BLK: variants seen among roughly 807,000 people sequenced by gnomAD.
BLK encodes tyrosine-protein kinase Blk.
BLK carries 64 observed loss-of-function variants against 61.8 expected under a neutral mutation model. The ratio of observed to expected loss-of-function variants is 1.03; its 90% CI spans 0.85 to 1.27. The LOEUF is 1.27. Among genes scored for constraint, BLK ranks in the 50% most tolerant of loss-of-function variants. The pLI is 0.00. For missense variants in BLK, 853 were observed against 660.5 expected (o/e 1.29, Z -3.19); for synonymous variants, 351 against 272.0 (o/e 1.29, Z -2.86).
chr8:11,508,651 TC>T (rs1481493138), intron 1 of BLK, among the ~76,000 whole-genome samples: 1 of 152,214 alleles, frequency 6.6e-6, no homozygotes, highest in Non-Finnish European at 1.5e-5. Flanking sequence ...ATTGGAACTG[TC>T]ACTAGTCAAT....
rs1801613735 is a variant in BLK, at chr8:11,564,037, T to G, written c.1447T>G (p.Phe483Val). 8 of 1,603,838 alleles carry G rather than the reference T, an allele frequency of 5.0e-6. No homozygotes were observed. The highest frequency in any genetic ancestry group is 6.8e-6 in the Non-Finnish European group (8 of 1,178,608). ...WRSRPEERPT[F>V]EFLQSVLEDF... ...CAGCCGGCCCGAGGAGCGGCCCACC[T>G]TCGAGTTCCTGCAGTCGGTGCTGGA... The change falls in exon 13 of 13, where the codon TTC (phenylalanine) becomes GTC (valine). Residue 483 changes from phenylalanine to valine, a missense_variant. By Grantham distance (50) the Phe-to-Val change is conservative. Transcript: ENST00000259089.
At chr8:11,548,396 T>C (rs1800743253) in intron 4 of BLK, among the ~76,000 whole-genome samples, 1 of 152,244 alleles carries the variant, frequency 6.6e-6, no homozygotes, top group Admixed American at 6.5e-5. Context: ...CCTGACTCTT[T>C]TGGGCATGTG....
chr8:11,535,551 C>T (rs908705313), intron 1 of BLK, among the ~76,000 whole-genome samples: 2 of 152,242 alleles, frequency 1.3e-5, no homozygotes, highest in African/African-American at 4.8e-5. Flanking sequence ...CCCAGTTTCT[C>T]ATCCTTTGCT....
At chr8:11,540,056 C>G (rs187393186) in intron 1 of BLK, among the ~76,000 whole-genome samples, 8 of 152,006 alleles carry the variant, frequency 5.3e-5, no homozygotes, top group African/African-American at 7.2e-5. Flanking sequence ...TGAATTTGTA[C>G]TTTTTTTGTT....
intron 1 of BLK, among the ~76,000 whole-genome samples, chr8:11,503,647 C>A (rs145859940): frequency 6.6e-6 from 1 of 152,162 alleles, no homozygotes; most frequent in Non-Finnish European, 1.5e-5. Context: ...CAAGGGTGCT[C>A]TTTCTTGGCA....
At chr8:11,496,550 C>G (rs938217039) in intron 1 of BLK, among the ~76,000 whole-genome samples, 2 of 152,216 alleles carry the variant, frequency 1.3e-5, no homozygotes, top group African/African-American at 4.8e-5. Context: ...GCCCAGCATG[C>G]ATTTTTGAGC....
intron 1 of BLK, among the ~76,000 whole-genome samples, chr8:11,533,188 T>G (rs987973450): frequency 2.6e-5 from 4 of 152,212 alleles, no homozygotes; most frequent in Non-Finnish European, 5.9e-5. Flanking sequence ...TGTCTCTAGA[T>G]CCACTCAGTA....
intron 1 of BLK, among the ~76,000 whole-genome samples, chr8:11,526,385 T>G (rs1799652067): frequency 6.6e-6 from 1 of 152,336 alleles, no homozygotes; most frequent in African/African-American, 2.4e-5. Context: ...ACATCCTACT[T>G]TTTTGTTATA....
At chr8:11,550,502 C>A (rs1018609213) in intron 6 of BLK, among the ~76,000 whole-genome samples, 4 of 152,258 alleles carry the variant, frequency 2.6e-5, no homozygotes, top group African/African-American at 9.6e-5. Context: ...CAGGGGTGGT[C>A]CCACGCCAGA....
At chr8:11,547,398 T>C (rs1287283280) in intron 3 of BLK, among the ~76,000 whole-genome samples, 1 of 152,190 alleles carries the variant, frequency 6.6e-6, no homozygotes, top group Non-Finnish European at 1.5e-5. Context: ...CCCAGAGCTG[T>C]GCAGAGAGCC....
chr8:11,509,776 T>G (rs1053884538), intron 1 of BLK: 1 of 152,166 alleles, frequency 6.6e-6, no homozygotes, highest in East Asian at 1.9e-4. Context: ...CCCTAGAAAA[T>G]TTTGAAAATA....
At chr8:11,527,878 C>G (rs1245130390) in intron 1 of BLK, among the ~76,000 whole-genome samples, 2 of 152,056 alleles carry the variant, frequency 1.3e-5, no homozygotes, top group Non-Finnish European at 2.9e-5. Flanking sequence ...CCTCTGGCCA[C>G]ATGACTCCTG....
At chr8:11,528,028 G>C (rs1799736045) in intron 1 of BLK, among the ~76,000 whole-genome samples, 1 of 152,016 alleles carries the variant, frequency 6.6e-6, no homozygotes, top group African/African-American at 2.4e-5. Flanking sequence ...TTTGGGGAGG[G>C]ACTATTATCA....
chr8:11,497,581 C>T (rs1275869109), intron 1 of BLK, among the ~76,000 whole-genome samples: 2 of 152,192 alleles, frequency 1.3e-5, no homozygotes, highest in African/African-American at 4.8e-5. Flanking sequence ...TCCCAGCACC[C>T]AGCGCAGTGC....
intron 1 of BLK, among the ~76,000 whole-genome samples, chr8:11,540,199 T>C (rs1008424168): frequency 1.3e-5 from 2 of 152,184 alleles, no homozygotes; most frequent in African/African-American, 2.4e-5. Context: ...CTAGAATTTA[T>C]TTTTTAATAT....
At chr8:11,516,480 A>G (rs60798606) in intron 1 of BLK, among the ~76,000 whole-genome samples, 1,812 of 152,268 alleles carry the variant, frequency 0.012, 40 homozygotes, top group African/African-American at 0.041. Context: ...AACATTTATT[A>G]ATAATCTATT....
chr8:11,561,639 G>A (rs1253958659), intron 11 of BLK, among the ~76,000 whole-genome samples, 187 bp downstream of exon 11: 3 of 152,108 alleles, frequency 2.0e-5, no homozygotes, highest in Non-Finnish European at 4.4e-5. Context: ...AGTGCCCTGA[G>A]ACCTCCCATG....
chr8:11,502,553 G>A (rs749058129), intron 1 of BLK, among the ~76,000 whole-genome samples: 6 of 152,182 alleles, frequency 3.9e-5, no homozygotes, highest in Non-Finnish European at 7.3e-5. Flanking sequence ...CTCCCAAACT[G>A]CTGGGATTAC....
chr8:11,563,025 C>T lies in BLK; in HGVS notation c.1227C>T (p.Phe409=), dbSNP rs200819560. The change falls in exon 12 of 13, where the codon TTC becomes TTT. Residue 409 remains phenylalanine (F), a synonymous_variant. Coordinates refer to ENST00000259089, the MANE Select transcript of BLK (RefSeq NM_001715.3). ...IKWTAPEAIH[F]GVFTIKADVW... ...GGACAGCCCCGGAAGCCATCCACTTCGGGGTCTTCACCATCAAAGCAGACG... is the reference window on the plus strand; with the variant it reads ...GGACAGCCCCGGAAGCCATCCACTTTGGGGTCTTCACCATCAAAGCAGACG... 180 of 1,614,174 alleles carry T rather than the reference C, an allele frequency of 1.1e-4. No individual in the cohort carries two copies. In the East Asian group the frequency reaches 2.0e-3, roughly 18 times the overall value.
Sources: gnomAD v4.1 joint callset for allele counts (sites outside exome capture counted in the v4.1 genomes callset) on GRCh38, gnomAD v4.1.1 for gene constraint, MANE v1.5 for transcripts, NCBI Gene and HGNC (gene_info 2026-07-23, HGNC 2026-07-21) for gene names.